The following GRIA3 variants were observed in gnomAD, a reference collection of about 807,000 sequenced individuals.
GRIA3 encodes the protein glutamate ionotropic receptor AMPA type subunit 3, also known as glutamate receptor 3.
A neutral mutation model predicts 63.0 loss-of-function variants in GRIA3; 3 were observed. The ratio of observed to expected loss-of-function variants is 0.05; its 90% CI spans 0.02 to 0.12. The LOEUF is 0.12. Ranked by LOEUF, GRIA3 falls within the 10% of genes least tolerant of loss-of-function variation. The pLI is 1.00. For missense variants in GRIA3, 347 were observed against 700.9 expected (o/e 0.50, Z 5.70); for synonymous variants, 274 against 257.9 (o/e 1.06, Z -0.60).
rs185783492 is a variant in GRIA3 at position 123,390,870 on chromosome X, C to G, written c.751-4098C>G. 2.0e-3 allele frequency among the ~76,000 whole-genome samples: 219 copies of G among 110,969 alleles called. 2 individuals carry two copies. Among genetic ancestry groups the G allele is most frequent in the African/African-American group, 6.9e-3 (213 of 30,648 alleles). On this transcript the variant is annotated intron_variant, in intron 5 of 15. Coordinates refer to ENST00000620443, the MANE Select transcript of GRIA3 (RefSeq NM_007325.5). Reference sequence around the variant, plus strand: ...TTGTCTGACTGGGTTATTTCAATGACTTGTCTTCAACTTCTAAAATTATTT... The same window carrying G: ...TTGTCTGACTGGGTTATTTCAATGAGTTGTCTTCAACTTCTAAAATTATTT...
intron 2 of GRIA3, among the ~76,000 whole-genome samples, chrX:123,243,933 C>T (rs751673562): frequency 8.9e-6 from 1 of 112,569 alleles, no homozygotes; most frequent in East Asian, 2.8e-4. Flanking sequence ...ACACCTTTCC[C>T]GTCATCTCTG....
intron 4 of GRIA3, among the ~76,000 whole-genome samples, chrX:123,341,344 C>A (rs913829299): frequency 2.7e-5 from 3 of 111,850 alleles, no homozygotes; most frequent in African/African-American, 9.7e-5. Context: ...TAACTTATTT[C>A]ATTTTTACCA....
At chrX:123,406,859 C>G (rs924520116) in intron 10 of GRIA3, among the ~76,000 whole-genome samples, 1 of 111,809 alleles carries the variant, frequency 8.9e-6, no homozygotes, top group Non-Finnish European at 1.9e-5. Context: ...TCTGAACCAT[C>G]TTGACATGGC....
intron 5 of GRIA3, among the ~76,000 whole-genome samples, chrX:123,368,517 T>C (rs1006405045): frequency 1.8e-5 from 2 of 111,163 alleles, no homozygotes; most frequent in Admixed American, 9.6e-5. Context: ...TGGTGAACTG[T>C]GGGTGGCCAT....
At chrX:123,456,170 A>G (rs2045760047) in intron 12 of GRIA3, among the ~76,000 whole-genome samples, 1 of 110,718 alleles carries the variant, frequency 9.0e-6, no homozygotes, top group Admixed American at 9.7e-5. Flanking sequence ...ATATATATTT[A>G]TGGGGCACTA....
chrX:123,324,278 GTTTAC>G (rs1422428210), intron 3 of GRIA3, among the ~76,000 whole-genome samples: 2 of 111,923 alleles, frequency 1.8e-5, no homozygotes, highest in Non-Finnish European at 1.9e-5. Flanking sequence ...CTTTAAAAAA[GTTTAC>G]TTTAAATATA....
At chrX:123,346,444 C>G (rs928127070) in intron 4 of GRIA3, among the ~76,000 whole-genome samples, 2 of 112,027 alleles carry the variant, frequency 1.8e-5, no homozygotes, top group Non-Finnish European at 3.8e-5. Context: ...AATCTTTCCC[C>G]TAGTGTGTAA....
intron 7 of GRIA3, among the ~76,000 whole-genome samples, chrX:123,401,536 A>C (rs1463808472): frequency 8.9e-6 from 1 of 111,776 alleles, no homozygotes; most frequent in Non-Finnish European, 1.9e-5. Flanking sequence ...CTCTAACTAG[A>C]AGTGTGATGC....
At chrX:123,187,160 T>C (rs1055253090) in intron 2 of GRIA3, among the ~76,000 whole-genome samples, 1 of 112,036 alleles carries the variant, frequency 8.9e-6, no homozygotes, top group South Asian at 3.7e-4. Context: ...ACTTTGTATA[T>C]GACTTTCTTT....
At chrX:123,341,973 G>A (rs2045011692) in intron 4 of GRIA3, among the ~76,000 whole-genome samples, 1 of 109,431 alleles carries the variant, frequency 9.1e-6, no homozygotes, top group South Asian at 3.8e-4. Context: ...ACTAAGAGTG[G>A]GTTTTTTTTT....
intron 3 of GRIA3, among the ~76,000 whole-genome samples, chrX:123,321,451 T>C (rs1603091336): frequency 8.9e-6 from 1 of 112,182 alleles, no homozygotes. Context: ...CAGGTGGTGA[T>C]AGTCCCTGCT....
intron 13 of GRIA3, among the ~76,000 whole-genome samples, chrX:123,468,048 C>T (rs991024667): frequency 2.7e-5 from 3 of 112,264 alleles, no homozygotes; most frequent in East Asian, 2.8e-4. Context: ...TCTTTCAAAT[C>T]GCTTTCCTTG....
In GRIA3 at chrX:123,253,464, G is replaced by T; in HGVS notation, c.430G>T (p.Ala144Ser). ...GCAGTTTGTCATCCAGATGCGCCCA[G>T]CCTTGAAGGGCGCTATTCTGAGTCT... is the stretch of plus-strand genomic sequence containing the variant. ...DVQFVIQMRP[A>S]LKGAILSLLG... Residue 144 changes from alanine to serine, a missense_variant, in exon 3 of 16, where the codon GCC becomes TCC. Around this residue, in one of 8 missense-constraint regions of GRIA3, gnomAD observed 113 missense variants for 130.6 expected, o/e 0.87. Coordinates refer to ENST00000620443, the MANE Select transcript of GRIA3 (RefSeq NM_007325.5). 1 of 1,205,660 alleles carries T rather than the reference G, an allele frequency of 8.3e-7. No individual in the cohort carries two copies. Among genetic ancestry groups the T allele is most frequent in the Non-Finnish European group, 1.1e-6 (1 of 890,310 alleles).
chrX:123,200,590 T>TACAC (rs1386567614), intron 2 of GRIA3, among the ~76,000 whole-genome samples: 2 of 82,552 alleles, frequency 2.4e-5, no homozygotes, highest in Admixed American at 1.4e-4. Context: ...TATATACATA[T>TACAC]ACACACACAC....
chrX:123,318,819 G>A (rs1346647708), intron 3 of GRIA3, among the ~76,000 whole-genome samples: 1 of 111,249 alleles, frequency 9.0e-6, no homozygotes, highest in Non-Finnish European at 1.9e-5. Context: ...TTTCAGCAAC[G>A]CCCCACTCTA....
intron 5 of GRIA3, among the ~76,000 whole-genome samples, chrX:123,370,225 A>T (rs1394460914): frequency 8.9e-6 from 1 of 111,783 alleles, no homozygotes. Context: ...TCTTCTAATA[A>T]GCCCCTTTTT....
intron 2 of GRIA3, among the ~76,000 whole-genome samples, chrX:123,245,603 T>C (rs1023105166): frequency 1.8e-5 from 2 of 111,610 alleles, no homozygotes; most frequent in African/African-American, 6.5e-5. Context: ...TTTAATGCAC[T>C]GGAAATCCGA....
chrX:123,405,053 C>T, intron 10 of GRIA3, 139 bp downstream of exon 10: 1 of 521,851 alleles, frequency 1.9e-6, no homozygotes, highest in Non-Finnish European at 3.4e-6. Flanking sequence ...TATTCTTCTA[C>T]AGTTGCGCTC....
At chrX:123,322,944 G>T (rs190245297) in intron 3 of GRIA3, among the ~76,000 whole-genome samples, 13 of 112,460 alleles carry the variant, frequency 1.2e-4, no homozygotes, top group Admixed American at 4.7e-4. Flanking sequence ...AGTATAAAAA[G>T]ATTTGTAAGT....
Sources: allele counts gnomAD v4.1 joint callset (sites outside exome capture counted in the v4.1 genomes callset), GRCh38; gene constraint gnomAD v4.1.1; regional missense constraint gnomAD v4.1.1; transcripts MANE v1.5; gene names NCBI Gene and HGNC (gene_info 2026-07-23, HGNC 2026-07-21).